Variants in PAK3 observed in about 807,000 individuals in gnomAD.
PAK3 encodes p21 (RAC1) activated kinase 3, also known as serine/threonine-protein kinase PAK 3.
PAK3 carries 4 observed loss-of-function variants against 41.0 expected under a neutral mutation model. That is an observed-to-expected ratio of 0.10 (90% CI 0.05 to 0.22). The LOEUF is 0.22. Among genes scored for constraint, PAK3 ranks in the 10% least tolerant of loss-of-function variants. The pLI is 1.00. For missense variants in PAK3, 205 were observed against 409.9 expected (o/e 0.50, Z 4.32); for synonymous variants, 146 against 139.6 (o/e 1.05, Z -0.32).
intron 1 of PAK3, among the ~76,000 whole-genome samples, chrX:110,993,665 A>G (rs1246694380): frequency 8.9e-6 from 1 of 112,285 alleles, no homozygotes; most frequent in Non-Finnish European, 1.9e-5. Context: ...ATGCATGGCT[A>G]AATCCAAGAT....
At chrX:111,099,719 C>A (rs759993411) in intron 3 of PAK3, among the ~76,000 whole-genome samples, 32 of 99,856 alleles carry the variant, frequency 3.2e-4, no homozygotes, top group Non-Finnish European at 6.6e-4. Flanking sequence ...GGTCTGGGAC[C>A]CCCAAACACA....
intron 17 of PAK3, among the ~76,000 whole-genome samples, chrX:111,219,458 C>A (rs1268986767): frequency 4.5e-5 from 5 of 110,574 alleles, no homozygotes; most frequent in Non-Finnish European, 9.4e-5. Context: ...TTTTAATAAA[C>A]AGAGATGAGG....
rs188479482 is a variant in PAK3 at position 111,103,198 on chromosome X, T to C, written c.-136T>C. ...AGAGCAGCTGAGTCCTTGCATCTTG[T>C]GGCAGCTGGTGTGCCCAGCACTGAG... On this transcript the variant is annotated 5_prime_UTR_variant, in exon 4 of 18. Transcript: ENST00000372007. The C allele has an allele frequency of 8.9e-6, 1 of 112,092 alleles. No homozygotes were observed. Among genetic ancestry groups the C allele is most frequent in the East Asian group, 2.8e-4 (1 of 3,545 alleles). 9.2% of individuals were successfully genotyped at this position (112,092 alleles called of 1,213,427 possible).
At chrX:111,144,909 C>T in intron 6 of PAK3, 1 of 1,101,167 alleles carries the variant, frequency 9.1e-7, no homozygotes, top group South Asian at 1.9e-5. Context: ...TCAAGTCAAT[C>T]AGAGGGAAAA....
chrX:111,148,005 T>A lies in PAK3; in HGVS notation c.430+115T>A, dbSNP rs2093973254. 6.3e-6 allele frequency: 4 copies of A among 634,377 alleles called. No individual in the cohort carries two copies. In the South Asian group the frequency reaches 8.1e-5, roughly 13 times the overall value. 52.3% of individuals were successfully genotyped at this position (634,377 alleles called of 1,213,427 possible). On this transcript the variant is annotated intron_variant, in intron 7 of 17. Coordinates refer to ENST00000372007, the MANE Select transcript of PAK3 (RefSeq NM_002578.5). ...AATCGATTCTAGTACCTTCTTCAAA[T>A]GACATCAACATAAGGAAACCAAAAA...
chrX:111,074,426 T>G (rs2092768748), intron 1 of PAK3, among the ~76,000 whole-genome samples: 2 of 111,701 alleles, frequency 1.8e-5, no homozygotes, highest in Non-Finnish European at 3.8e-5. Context: ...GTTCTCACTC[T>G]TGCCATGTGT....
chrX:111,116,610 G>T (rs1271291807), intron 4 of PAK3, among the ~76,000 whole-genome samples: 1 of 111,999 alleles, frequency 8.9e-6, no homozygotes, highest in Non-Finnish European at 1.9e-5. Context: ...CTTCCTATTT[G>T]CAACCTGACG....
intron 1 of PAK3, among the ~76,000 whole-genome samples, chrX:111,076,050 A>G (rs1569303292): frequency 8.9e-6 from 1 of 112,373 alleles, no homozygotes; most frequent in African/African-American, 3.2e-5. Context: ...CCGCCATTGT[A>G]CCTTGGGAGT....
At chrX:111,194,209 A>G in intron 13 of PAK3, 92 bp from the exon 14 acceptor site, 1 of 597,198 alleles carries the variant, frequency 1.7e-6, no homozygotes, top group Non-Finnish European at 3.0e-6. Context: ...CACAACTCAG[A>G]GTTGACTTCT....
At chrX:111,177,914 T>C (rs1003468433) in intron 11 of PAK3, among the ~76,000 whole-genome samples, 1 of 111,709 alleles carries the variant, frequency 9.0e-6, no homozygotes, top group South Asian at 3.8e-4. Flanking sequence ...CAGGTTCATA[T>C]TGTCTTTTCT....
chrX:110,971,789 T>C (rs1005647220), intron 1 of PAK3, among the ~76,000 whole-genome samples: 1 of 112,327 alleles, frequency 8.9e-6, no homozygotes, highest in Admixed American at 9.4e-5. Flanking sequence ...TGTTTTCTTC[T>C]AAAAATTTTC....
intron 5 of PAK3, among the ~76,000 whole-genome samples, chrX:111,136,788 G>A (rs1308938317): frequency 8.9e-6 from 1 of 111,968 alleles, no homozygotes; most frequent in East Asian, 2.8e-4. Context: ...CACTCTGGCT[G>A]TGCATTATCT....
chrX:111,051,051 G>T (rs939557000), intron 1 of PAK3, among the ~76,000 whole-genome samples: 2 of 111,552 alleles, frequency 1.8e-5, no homozygotes, highest in African/African-American at 6.5e-5. Context: ...ACTTAGTCCT[G>T]TGCCTTGGGC....
intron 1 of PAK3, among the ~76,000 whole-genome samples, chrX:111,035,854 CA>C (rs1482876957): frequency 8.9e-6 from 1 of 111,938 alleles, no homozygotes; most frequent in Non-Finnish European, 1.9e-5. Context: ...TTAGAATTGG[CA>C]AAGTCTTACT....
At chrX:111,038,695 G>T in intron 1 of PAK3, among the ~76,000 whole-genome samples, 1 of 112,081 alleles carries the variant, frequency 8.9e-6, no homozygotes, top group South Asian at 3.8e-4. Context: ...TAGCCTCTCT[G>T]ACACTTAGTT....
At chrX:111,092,364 T>C (rs1208359849), upstream of PAK3, among the ~76,000 whole-genome samples, 3 of 111,396 alleles carry the variant, frequency 2.7e-5, no homozygotes, top group Non-Finnish European at 5.7e-5. Context: ...ATTCCCAGAG[T>C]GTCCCCTTTA....
chrX:111,156,766 A>C (rs2094112678), intron 8 of PAK3, among the ~76,000 whole-genome samples: 1 of 111,954 alleles, frequency 8.9e-6, no homozygotes, highest in African/African-American at 3.2e-5. Context: ...GATAGATCTC[A>C]TAGTCATATA....
chrX:111,011,658 T>A (rs1376876939), intron 1 of PAK3, among the ~76,000 whole-genome samples: 1 of 112,444 alleles, frequency 8.9e-6, no homozygotes, highest in African/African-American at 3.2e-5. Context: ...TGCACAGGAA[T>A]GTTCTCCTCC....
At chrX:111,071,446 T>C (rs1382687108) in intron 1 of PAK3, among the ~76,000 whole-genome samples, 1 of 111,902 alleles carries the variant, frequency 8.9e-6, no homozygotes, top group Non-Finnish European at 1.9e-5. Flanking sequence ...AGAATAGAGA[T>C]AATGTACATA....
Sources: allele counts gnomAD v4.1 joint callset (sites outside exome capture counted in the v4.1 genomes callset), GRCh38; gene constraint gnomAD v4.1.1; transcripts MANE v1.5; gene names NCBI Gene and HGNC (gene_info 2026-07-23, HGNC 2026-07-21).